The following ENTPD7 variants were observed in gnomAD, a reference collection of about 807,000 sequenced individuals.
The protein encoded by ENTPD7 is ectonucleoside triphosphate diphosphohydrolase 7.
Under a neutral mutation model 77.9 loss-of-function variants are expected in ENTPD7, and 53 were observed. The observed-to-expected ratio is 0.68, with a 90% CI of 0.55 to 0.85. ENTPD7 has a LOEUF of 0.85. Ranked by LOEUF, ENTPD7 falls within the 40% of genes least tolerant of loss-of-function variation. The pLI is 0.00. For missense variants in ENTPD7, 636 were observed against 743.7 expected (o/e 0.86, Z 1.68); for synonymous variants, 248 against 274.9 (o/e 0.90, Z 0.97).
rs528050746 is a variant in ENTPD7, at chr10:99,706,554, C to T, written c.*1871C>T. Among the ~76,000 whole-genome samples, 1 of 151,874 alleles carries T rather than the reference C, an allele frequency of 6.6e-6. No homozygotes were observed. The highest frequency in any genetic ancestry group is 2.4e-5 in the African/African-American group (1 of 41,420). On this transcript the variant is annotated 3_prime_UTR_variant, in exon 13 of 13. Transcript: ENST00000370489. ...GAGTCTGTGTTGTCCAGGCTGGTCT[C>T]AAACTCTTGGGCTCAAGCAATCCTC... is the stretch of plus-strand genomic sequence containing the variant.
At chr10:99,704,236 G>A (rs905181419) in intron 12 of ENTPD7, among the ~76,000 whole-genome samples, 1 of 152,162 alleles carries the variant, frequency 6.6e-6, no homozygotes, top group Non-Finnish European at 1.5e-5. Flanking sequence ...GTGTAAGCCT[G>A]GAGGTCCCTT....
intron 9 of ENTPD7, 86 bp from the exon 10 acceptor site, chr10:99,698,448 T>C (rs2036032755): frequency 5.3e-6 from 7 of 1,317,422 alleles, no homozygotes; most frequent in South Asian, 4.3e-5. Context: ...TAGTAAGATA[T>C]TTCTGATGCA....
At chr10:99,683,115 CTTTT>C (rs763722148) in intron 5 of ENTPD7, among the ~76,000 whole-genome samples, 1 of 148,920 alleles carries the variant, frequency 6.7e-6, no homozygotes, top group Non-Finnish European at 1.5e-5. Flanking sequence ...AGAAATTTGC[CTTTT>C]TTTTTTCTCT....
rs536014088 is a variant in ENTPD7 at position 99,686,622 on chromosome 10, C to G, written c.652+727C>G. ...CTGTTTCTTTGCTGAGACCTTCTAT[C>G]TTTCCATTCATTGTAGGACTGCCCA... is the stretch of plus-strand genomic sequence containing the variant. On this transcript the variant is annotated intron_variant, in intron 6 of 12. Coordinates refer to ENST00000370489, the MANE Select transcript of ENTPD7 (RefSeq NM_020354.5). Among the ~76,000 whole-genome samples, 175 of 152,136 alleles carry G rather than the reference C, an allele frequency of 1.2e-3. 1 individual carries two copies. The highest frequency in any genetic ancestry group is 4.1e-3 in the African/African-American group (169 of 41,470).
intron 8 of ENTPD7, among the ~76,000 whole-genome samples, chr10:99,692,492 A>G (rs556270410): frequency 5.3e-5 from 8 of 150,918 alleles, no homozygotes; most frequent in Non-Finnish European, 1.2e-4. Flanking sequence ...TGCTTCATGG[A>G]AGGTAAAGTA....
At chr10:99,665,334 G>A (rs2035536224) in intron 3 of ENTPD7, among the ~76,000 whole-genome samples, 1 of 152,000 alleles carries the variant, frequency 6.6e-6, no homozygotes, top group South Asian at 2.1e-4. Flanking sequence ...TCCCGTAGGA[G>A]ACAGAAAGGC....
Position 99,688,599 on chromosome 10 carries a change from T to A in ENTPD7, c.653-95T>A. The A allele has an allele frequency of 2.6e-6, 3 of 1,132,498 alleles. No individual in the cohort carries two copies. In the South Asian group the frequency reaches 5.2e-5, roughly 20 times the overall value. 70.2% of individuals were successfully genotyped at this position (1,132,498 alleles called of 1,614,324 possible). On this transcript the variant is annotated intron_variant, in intron 6 of 12. Coordinates refer to ENST00000370489, the MANE Select transcript of ENTPD7 (RefSeq NM_020354.5). Reference sequence around the variant, plus strand: ...GGAATAAAATACTATGATTACTTTTTCCAAGAAAAAGAGGAAAGAGAAGCC... The same window carrying A: ...GGAATAAAATACTATGATTACTTTTACCAAGAAAAAGAGGAAAGAGAAGCC...
chr10:99,702,409 T>A, intron 11 of ENTPD7, 103 bp from the exon 12 acceptor site: 2 of 958,404 alleles, frequency 2.1e-6, no homozygotes, highest in Non-Finnish European at 3.0e-6. Flanking sequence ...CGGGAGGAGG[T>A]AGGTCTTTTA....
At position 99,709,379 on chromosome 10, in the gene ENTPD7, A is replaced by C; in HGVS notation, c.*4696A>C. 8.1e-6 allele frequency: 8 copies of C among 985,406 alleles called. No individual in the cohort carries two copies. Among genetic ancestry groups the C allele is most frequent in the Non-Finnish European group, 9.6e-6 (8 of 829,914 alleles). 61.0% of individuals were successfully genotyped at this position (985,406 alleles called of 1,614,324 possible). A position where few individuals can be genotyped will look rare whatever the true frequency, so the allele number is the denominator to read the frequency against. On this transcript the variant is annotated 3_prime_UTR_variant, in exon 13 of 13. Transcript: ENST00000370489. The stretch of plus-strand genomic sequence containing the variant: ...TTATGGTAGAAATAGCAGATGTTTC[A>C]AATTCTCCCATATTAGTCTCTTAGG...
At chr10:99,669,063 A>G (rs1302088574) in intron 3 of ENTPD7, among the ~76,000 whole-genome samples, 5 of 141,814 alleles carry the variant, frequency 3.5e-5, no homozygotes, top group Non-Finnish European at 6.1e-5. Flanking sequence ...TTTTTTGTAG[A>G]GACAGTGTCT....
chr10:99,689,923 C>G (rs545302700), intron 7 of ENTPD7, among the ~76,000 whole-genome samples: 4 of 152,254 alleles, frequency 2.6e-5, no homozygotes, highest in South Asian at 4.1e-4. Context: ...ATGGGAAAGA[C>G]AGAATAAATC....
Position 99,659,883 on chromosome 10 carries a change from T to A in ENTPD7, c.-74T>A. Reference sequence around the variant, plus strand: ...CTAGGCTGCAGACGTAGGAGATGCCTGGGACAAGGAGGCCACCTTCTCAGG... The same window carrying A: ...CTAGGCTGCAGACGTAGGAGATGCCAGGGACAAGGAGGCCACCTTCTCAGG... On this transcript the variant is annotated 5_prime_UTR_variant, in exon 2 of 13. Transcript: ENST00000370489. The surrounding 1 kb of genome is among the most constrained non-coding windows in gnomAD (Gnocchi z 4.1). 1 of 1,607,916 alleles carries A rather than the reference T, an allele frequency of 6.2e-7. No individual in the cohort carries two copies. The highest frequency in any genetic ancestry group is 8.5e-7 in the Non-Finnish European group (1 of 1,175,130).
chr10:99,669,746 T>TG (rs1252372717), intron 3 of ENTPD7, among the ~76,000 whole-genome samples: 7 of 122,480 alleles, frequency 5.7e-5, no homozygotes, highest in Non-Finnish European at 8.6e-5. Context: ...TGTGGTTTTT[T>TG]TTTTTTTTTT....
At chr10:99,688,449 A>G (rs2035840511) in intron 6 of ENTPD7, among the ~76,000 whole-genome samples, 1 of 152,206 alleles carries the variant, frequency 6.6e-6, no homozygotes, top group Non-Finnish European at 1.5e-5. Context: ...CAGATGATTT[A>G]TACTTCTTAG....
intron 10 of ENTPD7, among the ~76,000 whole-genome samples, chr10:99,699,209 T>G (rs757878736): frequency 6.6e-6 from 1 of 152,250 alleles, no homozygotes; most frequent in Non-Finnish European, 1.5e-5. Flanking sequence ...TTTTTCCTCT[T>G]GCTAGCTATT....
At chr10:99,678,944 C>A (rs982848278) in intron 3 of ENTPD7, among the ~76,000 whole-genome samples, 5 of 150,064 alleles carry the variant, frequency 3.3e-5, no homozygotes, top group Admixed American at 6.7e-5. Flanking sequence ...TAACAAAAAA[C>A]CAATTATTTA....
chr10:99,678,820 A>C (rs1021949794), intron 3 of ENTPD7, among the ~76,000 whole-genome samples: 6 of 150,680 alleles, frequency 4.0e-5, no homozygotes, highest in Non-Finnish European at 8.8e-5. Flanking sequence ...TTAAATGAGA[A>C]ATCATTCCAC....
At chr10:99,698,950 ATACAGAATC>A in intron 10 of ENTPD7, 92 bp downstream of exon 10, 3 of 1,190,254 alleles carry the variant, frequency 2.5e-6, no homozygotes, top group Non-Finnish European at 3.5e-6. Flanking sequence ...AGGGCTTTGC[ATACAGAATC>A]TCACTTGTTC....
At chr10:99,696,900 GA>G (rs1441675115) in intron 9 of ENTPD7, among the ~76,000 whole-genome samples, 10 of 152,194 alleles carry the variant, frequency 6.6e-5, no homozygotes, top group African/African-American at 2.2e-4. Context: ...CAGCAGTGCT[GA>G]GGGTCTAGCC....
Sources: gnomAD v4.1 joint callset for allele counts (sites outside exome capture counted in the v4.1 genomes callset) on GRCh38, gnomAD v4.1.1 for gene constraint, Gnocchi (gnomAD v3.1) non-coding constraint, MANE v1.5 for transcripts, NCBI Gene and HGNC (gene_info 2026-07-23, HGNC 2026-07-21) for gene names.